PRICKLE1: variants seen among roughly 807,000 people sequenced by gnomAD.
PRICKLE1 encodes prickle planar cell polarity protein 1.
Under a neutral mutation model 70.2 loss-of-function variants are expected in PRICKLE1, and 14 were observed. That is an observed-to-expected ratio of 0.20 (90% CI 0.13 to 0.31). The LOEUF (loss-of-function observed/expected upper bound fraction) is 0.31, where lower values mean the gene tolerates loss of function less well. Among genes scored for constraint, PRICKLE1 ranks in the 10% least tolerant of loss-of-function variants. PRICKLE1 has a pLI of 1.00. For missense variants in PRICKLE1, 821 were observed against 1,026.2 expected (o/e 0.80, Z 2.73); for synonymous variants, 357 against 379.9 (o/e 0.94, Z 0.70).
chr12:42,569,261 A>G (rs1940670003), intron 1 of PRICKLE1, among the ~76,000 whole-genome samples: 1 of 152,254 alleles, frequency 6.6e-6, no homozygotes, highest in South Asian at 2.1e-4. Context: ...TAAAGTATAT[A>G]TGGAATCATT....
chr12:42,587,992 G>C (rs996635366), intron 1 of PRICKLE1, among the ~76,000 whole-genome samples: 1 of 151,902 alleles, frequency 6.6e-6, no homozygotes, highest in African/African-American at 2.4e-5. Flanking sequence ...ATAATGTTGG[G>C]GACGGTCAAA....
At chr12:42,574,668 T>C (rs553115889) in intron 1 of PRICKLE1, among the ~76,000 whole-genome samples, 2 of 152,300 alleles carry the variant, frequency 1.3e-5, no homozygotes, top group East Asian at 3.9e-4. Context: ...CCTTCCAACC[T>C]AAGAAGGCAG....
intron 1 of PRICKLE1, among the ~76,000 whole-genome samples, chr12:42,479,382 A>G (rs1796362): frequency 0.79 from 120,542 of 152,188 alleles, 48,010 homozygotes; most frequent in Middle Eastern, 0.85. Flanking sequence ...CTCCAATACC[A>G]TACACATAGC....
intron 1 of PRICKLE1, among the ~76,000 whole-genome samples, chr12:42,514,147 C>A (rs1416932925): frequency 1.3e-5 from 2 of 152,168 alleles, no homozygotes; most frequent in Non-Finnish European, 2.9e-5. Context: ...TCCTTTGAGG[C>A]ATCATCATTG....
intron 1 of PRICKLE1, among the ~76,000 whole-genome samples, chr12:42,502,509 C>T (rs1318356738): frequency 1.3e-5 from 2 of 151,922 alleles, no homozygotes; most frequent in African/African-American, 4.8e-5. Flanking sequence ...AGGTGTCTCA[C>T]TGTCTTGCCC....
chr12:42,585,766 C>T (rs1326870029), intron 1 of PRICKLE1, among the ~76,000 whole-genome samples: 1 of 152,150 alleles, frequency 6.6e-6, no homozygotes, highest in Admixed American at 6.5e-5. Context: ...TTCATCAACA[C>T]GTAGGTAATT....
intron 1 of PRICKLE1, among the ~76,000 whole-genome samples, chr12:42,569,565 C>G (rs1284174433): frequency 2.6e-5 from 4 of 152,160 alleles, no homozygotes; most frequent in Non-Finnish European, 4.4e-5. Flanking sequence ...TACCAGTAAT[C>G]TTTTTCAGCT....
At chr12:42,500,392 A>G (rs1939283728) in intron 1 of PRICKLE1, among the ~76,000 whole-genome samples, 1 of 152,238 alleles carries the variant, frequency 6.6e-6, no homozygotes, top group South Asian at 2.1e-4. Flanking sequence ...CATTACCAGT[A>G]TCAGTACGTA....
intron 1 of PRICKLE1, among the ~76,000 whole-genome samples, chr12:42,533,661 C>G (rs1466087290): frequency 1.3e-5 from 2 of 152,106 alleles, no homozygotes; most frequent in African/African-American, 4.8e-5. Flanking sequence ...CCAACACCTC[C>G]TTGTACTGCC....
intron 1 of PRICKLE1, among the ~76,000 whole-genome samples, chr12:42,556,477 G>A (rs1436646360): frequency 6.6e-6 from 1 of 152,124 alleles, no homozygotes; most frequent in Non-Finnish European, 1.5e-5. Context: ...TCACTTTATA[G>A]AGGAGCTTCA....
chr12:42,560,908 C>A (rs1020310340), intron 1 of PRICKLE1, among the ~76,000 whole-genome samples: 3 of 152,050 alleles, frequency 2.0e-5, no homozygotes, highest in Non-Finnish European at 4.4e-5. Flanking sequence ...TAATAGAGTC[C>A]TATCCTCAAA....
intron 1 of PRICKLE1, among the ~76,000 whole-genome samples, chr12:42,538,052 C>G (rs911496948): frequency 1.3e-5 from 2 of 152,156 alleles, no homozygotes; most frequent in Admixed American, 6.5e-5. Flanking sequence ...GTGTGGCTCA[C>G]ATCTGTATTC....
Position 42,529,495 on chromosome 12 carries a change from G to C in PRICKLE1, c.-48-56931C>G, listed in dbSNP as rs189558121. 1.8e-4 allele frequency among the ~76,000 whole-genome samples: 28 copies of C among 152,328 alleles called. 1 individual carries two copies. Among genetic ancestry groups the C allele is most frequent in the Admixed American group, 1.7e-3 (26 of 15,290 alleles). On this transcript the variant is annotated intron_variant, in intron 1 of 7. Transcript: ENST00000345127. ...ATTGTTTATACAAAATAAAATATTAGTTCTCTTGTTTAAAATGCCAAAGGA... is the reference window on the plus strand; with the variant it reads ...ATTGTTTATACAAAATAAAATATTACTTCTCTTGTTTAAAATGCCAAAGGA...
chr12:42,489,856 T>C (rs1032944707), intron 1 of PRICKLE1: 1 of 152,032 alleles, frequency 6.6e-6, no homozygotes, highest in Non-Finnish European at 1.5e-5. Context: ...GAGCCAGACA[T>C]AGTGGGACAG....
chr12:42,577,691 T>A (rs1490610301), intron 1 of PRICKLE1, among the ~76,000 whole-genome samples: 1 of 152,140 alleles, frequency 6.6e-6, no homozygotes, highest in East Asian at 1.9e-4. Flanking sequence ...ACAGAGTGGG[T>A]ACGAAGGCCA....
At chr12:42,583,941 C>G (rs1361862414) in intron 1 of PRICKLE1, among the ~76,000 whole-genome samples, 1 of 152,078 alleles carries the variant, frequency 6.6e-6, no homozygotes. Context: ...TATTACCTGT[C>G]CATTTACTCC....
chr12:42,526,462 G>T (rs983790079), intron 1 of PRICKLE1, among the ~76,000 whole-genome samples: 3 of 152,110 alleles, frequency 2.0e-5, no homozygotes, highest in African/African-American at 7.2e-5. Flanking sequence ...AAAGTGAATA[G>T]TAATACACAG....
Position 42,459,617 on chromosome 12 carries a change from C to A in PRICKLE1, c.*192G>T. ...AGATGTCACGTCCACCTGGCACCAT[C>A]CAAAGAGGGTAAATTGGAGAAATCA... is the stretch of plus-strand genomic sequence containing the variant. On this transcript the variant is annotated 3_prime_UTR_variant, in exon 8 of 8. Coordinates refer to ENST00000345127, the MANE Select transcript of PRICKLE1 (RefSeq NM_153026.3). 1.4e-6 allele frequency: 1 copy of A among 728,768 alleles called. No homozygotes were observed. The highest frequency in any genetic ancestry group is 2.3e-6 in the Non-Finnish European group (1 of 434,054). 45.1% of individuals were successfully genotyped at this position (728,768 alleles called of 1,614,324 possible). A position where few individuals can be genotyped will look rare whatever the true frequency, so the allele number is the denominator to read the frequency against.
chr12:42,481,323 C>G (rs917104762), intron 1 of PRICKLE1, among the ~76,000 whole-genome samples: 1 of 152,166 alleles, frequency 6.6e-6, no homozygotes, highest in African/African-American at 2.4e-5. Flanking sequence ...AGTATAAGGT[C>G]ATATCCCTAA....
Sources: allele counts gnomAD v4.1 joint callset (sites outside exome capture counted in the v4.1 genomes callset), GRCh38; gene constraint gnomAD v4.1.1; transcripts MANE v1.5; gene names NCBI Gene and HGNC (gene_info 2026-07-23, HGNC 2026-07-21).